CEP128: variants seen among roughly 807,000 people sequenced by gnomAD.
CEP128 encodes the protein centrosomal protein 128.
A neutral mutation model predicts 156.7 loss-of-function variants in CEP128; 132 were observed. That is an observed-to-expected ratio of 0.84 (90% confidence interval 0.73 to 0.97). CEP128 has a LOEUF of 0.97. Among genes scored for constraint, CEP128 ranks in the 50% least tolerant of loss-of-function variants. The pLI is 0.00. For synonymous variants in CEP128, 469 were observed against 448.9 expected, an observed-to-expected ratio of 1.04 and a Z score of -0.57; for missense variants, 1,252 against 1,281.9, an observed-to-expected ratio of 0.98 and a Z score of 0.36.
At chr14:80,602,967 T>C (rs1892639275) in intron 19 of CEP128, among the ~76,000 whole-genome samples, 1 of 152,146 alleles carries the variant, frequency 6.6e-6, no homozygotes, top group Non-Finnish European at 1.5e-5. Context: ...GAACATACTT[T>C]GAGAAAAATG....
intron 19 of CEP128, among the ~76,000 whole-genome samples, chr14:80,714,010 G>T (rs777091310): frequency 1.2e-4 from 19 of 152,050 alleles, no homozygotes; most frequent in Non-Finnish European, 2.6e-4. Flanking sequence ...GAAAAGTTAG[G>T]ATAATCCAAT....
intron 21 of CEP128, among the ~76,000 whole-genome samples, chr14:80,549,831 T>C (rs1169533450): frequency 3.9e-5 from 6 of 152,282 alleles, no homozygotes; most frequent in African/African-American, 1.4e-4. Flanking sequence ...TGAAGCACAA[T>C]TAGTGTTAGA....
At chr14:80,926,277 G>A (rs1456983780) in intron 2 of CEP128, among the ~76,000 whole-genome samples, 1 of 152,140 alleles carries the variant, frequency 6.6e-6, no homozygotes, top group East Asian at 1.9e-4. Context: ...GGACAGTTTT[G>A]AGGGCTGCCT....
Position 80,668,861 on chromosome 14 carries a change from A to G in CEP128, c.2806+74214T>C, listed in dbSNP as rs927935250. Among the ~76,000 whole-genome samples the G allele has an allele frequency of 2.6e-5, 4 of 152,296 alleles. No homozygotes were observed. In the East Asian group the frequency reaches 5.8e-4, roughly 22 times the overall value. Reference sequence around the variant, plus strand: ...TCCTGTGCTGTTCTCATGATAATGAATAAGTCTCACAAGATGATGGTTTTA... The same window carrying G: ...TCCTGTGCTGTTCTCATGATAATGAGTAAGTCTCACAAGATGATGGTTTTA... On this transcript the variant is annotated intron_variant, in intron 19 of 24. Transcript: ENST00000555265.
chr14:80,613,177 G>C (rs543895627), intron 19 of CEP128, among the ~76,000 whole-genome samples: 1 of 150,976 alleles, frequency 6.6e-6, no homozygotes, highest in Non-Finnish European at 1.5e-5. Flanking sequence ...CAAAAGTTTA[G>C]AAATAAAAGT....
At chr14:80,906,354 G>A (rs566656217) in intron 4 of CEP128, among the ~76,000 whole-genome samples, 65 of 152,156 alleles carry the variant, frequency 4.3e-4, no homozygotes, top group African/African-American at 1.5e-3. Context: ...ACTGTGTAAG[G>A]GCTTACAAAA....
intron 8 of CEP128, among the ~76,000 whole-genome samples, chr14:80,895,260 C>T (rs893387512): frequency 6.6e-6 from 1 of 152,020 alleles, no homozygotes; most frequent in Non-Finnish European, 1.5e-5. Context: ...CAGACAAAAA[C>T]AGACAGCAAA....
intron 9 of CEP128, among the ~76,000 whole-genome samples, chr14:80,855,543 A>G (rs1017221207): frequency 3.3e-5 from 5 of 152,174 alleles, no homozygotes; most frequent in Non-Finnish European, 5.9e-5. Context: ...GAATAACTGT[A>G]TGCAAAAATG....
chr14:80,671,192 A>G (rs1233139567), intron 19 of CEP128, among the ~76,000 whole-genome samples: 2 of 152,212 alleles, frequency 1.3e-5, no homozygotes, highest in Non-Finnish European at 2.9e-5. Context: ...ATGGTAAGTT[A>G]TCAGACATAA....
At chr14:80,750,731 T>C (rs548129026) in intron 18 of CEP128, among the ~76,000 whole-genome samples, 168 of 152,266 alleles carry the variant, frequency 1.1e-3, no homozygotes, top group Admixed American at 1.7e-3. Flanking sequence ...GTCCTAACAA[T>C]AATACTAATG....
intron 19 of CEP128, among the ~76,000 whole-genome samples, chr14:80,690,416 C>CAA (rs113493547): frequency 2.5e-5 from 3 of 118,292 alleles, no homozygotes; most frequent in East Asian, 2.3e-4. Context: ...AACTCCATCT[C>CAA]AAAAAAAAAA....
intron 19 of CEP128, among the ~76,000 whole-genome samples, chr14:80,681,847 T>C (rs10151108): frequency 0.032 from 4,941 of 152,268 alleles, 257 homozygotes; most frequent in African/African-American, 0.11. Context: ...GTCATCTCTA[T>C]AATCCCAGCA....
chr14:80,590,659 GA>G (rs1444451795), intron 19 of CEP128, among the ~76,000 whole-genome samples: 2 of 152,004 alleles, frequency 1.3e-5, no homozygotes, highest in East Asian at 1.9e-4. Context: ...AGAAAAAAAA[GA>G]AAGAACACAA....
At chr14:80,580,898 T>A (rs1891564572) in intron 19 of CEP128, among the ~76,000 whole-genome samples, 1 of 152,166 alleles carries the variant, frequency 6.6e-6, no homozygotes, top group South Asian at 2.1e-4. Context: ...TAAAACACCC[T>A]GGAATAATAG....
intron 13 of CEP128, among the ~76,000 whole-genome samples, chr14:80,797,656 C>T (rs1254949580): frequency 3.3e-5 from 5 of 152,058 alleles, no homozygotes; most frequent in Non-Finnish European, 7.4e-5. Context: ...ATATTTATCC[C>T]ACATCAATCA....
intron 19 of CEP128, among the ~76,000 whole-genome samples, chr14:80,648,141 T>C (rs1352884477): frequency 6.6e-6 from 1 of 152,118 alleles, no homozygotes; most frequent in Admixed American, 6.6e-5. Flanking sequence ...AGCAACTTTG[T>C]GGAATGAAAG....
chr14:80,548,419 C>T, intron 21 of CEP128, among the ~76,000 whole-genome samples: 1 of 151,810 alleles, frequency 6.6e-6, no homozygotes, highest in East Asian at 1.9e-4. Flanking sequence ...TATACTATTC[C>T]CCCCACTATA....
At chr14:80,798,928 C>A (rs907212868) in intron 13 of CEP128, among the ~76,000 whole-genome samples, 4 of 152,152 alleles carry the variant, frequency 2.6e-5, no homozygotes, top group African/African-American at 9.7e-5. Flanking sequence ...AATCTACCCC[C>A]AAATAAACCA....
At chr14:80,504,545 T>C (rs1887880568) in intron 24 of CEP128, among the ~76,000 whole-genome samples, 1 of 152,224 alleles carries the variant, frequency 6.6e-6, no homozygotes, top group African/African-American at 2.4e-5. Flanking sequence ...TACATATTTC[T>C]CAACATTTAT....
Sources: allele counts gnomAD v4.1 joint callset (sites outside exome capture counted in the v4.1 genomes callset), GRCh38; gene constraint gnomAD v4.1.1; transcripts MANE v1.5; gene names NCBI Gene and HGNC (gene_info 2026-07-23, HGNC 2026-07-21).